Variants in PRH1 observed in about 807,000 individuals in gnomAD.
The protein encoded by PRH1 is salivary acidic proline-rich phosphoprotein 1/2.
A neutral mutation model predicts 7.9 loss-of-function variants in PRH1; 7 were observed. The observed-to-expected ratio is 0.89, with a 90% CI of 0.50 to 1.67. The LOEUF (loss-of-function observed/expected upper bound fraction) is 1.67. Among genes scored for constraint, PRH1 ranks in the 40% most tolerant of loss-of-function variants. The pLI is 0.00. For synonymous variants in PRH1, 45 were observed against 80.8 expected (o/e 0.56, Z 2.38); for missense variants, 109 against 223.6 (o/e 0.49, Z 3.27).
At chr12:10,884,643 C>A (rs1460203557), upstream of PRH1, among the ~76,000 whole-genome samples, 1 of 152,142 alleles carries the variant, frequency 6.6e-6, no homozygotes. Context: ...GGACACTGAT[C>A]CTACAGCTAA....
At chr12:11,142,264 AG>A (rs1217157760) in intron 1 of PRH1, among the ~76,000 whole-genome samples, 4 of 152,242 alleles carry the variant, frequency 2.6e-5, no homozygotes, top group Admixed American at 2.0e-4. Flanking sequence ...GAGTCTTTAT[AG>A]GTGAAAAGTC....
downstream of PRH1, among the ~76,000 whole-genome samples, chr12:11,120,543 C>A (rs1367096872): frequency 6.6e-6 from 1 of 152,102 alleles, no homozygotes; most frequent in African/African-American, 2.4e-5. Context: ...CACACTAGGG[C>A]CAGCTATAAA....
At position 11,023,679 on chromosome 12, in the gene PRH1, T is replaced by A. The variant is rs552366700; in HGVS notation, c.-126+23341A>T. Among the ~76,000 whole-genome samples the A allele has an allele frequency of 5.9e-5, 9 of 152,246 alleles. 1 individual carries two copies. In the South Asian group the frequency reaches 1.9e-3, roughly 32 times the overall value. The stretch of plus-strand genomic sequence containing the variant: ...CTCTTTTCCACTAACCATGAGGACA[T>A]CATCTGGCTAGCACACTGTTCCCAG... On this transcript the variant is annotated intron_variant, in intron 1 of 3. Coordinates refer to the PRH1 transcript ENST00000539853.
intron 1 of PRH1, among the ~76,000 whole-genome samples, chr12:11,060,182 C>T (rs1459141759): frequency 6.6e-6 from 1 of 152,102 alleles, no homozygotes; most frequent in Admixed American, 6.6e-5. Context: ...GTGAACAAGA[C>T]TGTACATTTC....
chr12:10,916,729 A>G (rs1949977031), intron 2 of PRH1, among the ~76,000 whole-genome samples: 1 of 152,024 alleles, frequency 6.6e-6, no homozygotes, highest in East Asian at 1.9e-4. Context: ...AAAGTGCCAC[A>G]GAAATGGATT....
At chr12:11,150,643 G>C (rs1054649913) in intron 1 of PRH1, among the ~76,000 whole-genome samples, 4 of 152,048 alleles carry the variant, frequency 2.6e-5, no homozygotes, top group African/African-American at 9.7e-5. Flanking sequence ...ACACAGGAAG[G>C]GGAACATCAC....
intron 2 of PRH1, among the ~76,000 whole-genome samples, chr12:10,927,670 G>T (rs759160793): frequency 1.3e-5 from 2 of 152,154 alleles, no homozygotes; most frequent in African/African-American, 2.4e-5. Flanking sequence ...CCAGACCCTC[G>T]TATGCACAGT....
intron 2 of PRH1, 74 bp from the exon 3 acceptor site, chr12:10,882,772 C>A: frequency 1.9e-6 from 3 of 1,582,842 alleles, no homozygotes; most frequent in Non-Finnish European, 2.6e-6. Flanking sequence ...TCTGTCTTCA[C>A]CACACGGCCG....
At position 10,882,474 on chromosome 12, in the gene PRH1, GA is replaced by G; in HGVS notation, c.324del (p.Gln109ArgfsTer88). 20 of 1,552,690 alleles carry G rather than the reference GA, an allele frequency of 1.3e-5. No individual in the cohort carries two copies. The highest frequency in any genetic ancestry group is 5.8e-5 in the South Asian group (5 of 86,368). On this transcript the variant is annotated frameshift_variant, in exon 3 of 4. Transcript: ENST00000543626. LOFTEE classifies it low-confidence loss of function (END_TRUNC). ...TGGGGTGGTCCTTGTGGCTTTCCCT[GA>G]GGAGGTGGTGGACCTTGTTGCTGCT... is the stretch of plus-strand genomic sequence containing the variant. Reference protein sequence around the residue: ...GGQQQQGPPPPQGKPQGPPQQ... With the variant: ...GGQQQQGPPPXQGKPQGPPQQ...
intron 1 of PRH1, among the ~76,000 whole-genome samples, chr12:11,010,690 C>T (rs1941027476): frequency 6.6e-6 from 1 of 151,712 alleles, no homozygotes; most frequent in Non-Finnish European, 1.5e-5. Context: ...AAATTAGTAA[C>T]ATCAGATTAA....
rs1456222408 is a variant in PRH1, at chr12:11,106,063, C to T, written n.124-58875G>A. Among the ~76,000 whole-genome samples the T allele has an allele frequency of 2.0e-5, 2 of 100,488 alleles. 1 individual carries two copies. The highest frequency in any genetic ancestry group is 4.6e-5 in the Non-Finnish European group (2 of 43,364). The allele number at this position is 100,488 out of a possible 152,430, so 65.9% of individuals were successfully genotyped here. The stretch of plus-strand genomic sequence containing the variant: ...TCATGCCATTCTCCTGCCTCAGCCT[C>T]CCGAGTAGCTGGGATTACAGGCGCC... On this transcript the variant is annotated intron_variant and non_coding_transcript_variant, in intron 1 of 4. Transcript: ENST00000541977.
chr12:10,980,169 T>C (rs964930184), intron 1 of PRH1, among the ~76,000 whole-genome samples: 15 of 152,162 alleles, frequency 9.9e-5, no homozygotes, highest in Admixed American at 5.2e-4. Flanking sequence ...CCTTATTTTA[T>C]ACCACACACA....
chr12:11,170,681 G>A (rs1947806525), intron 1 of PRH1, among the ~76,000 whole-genome samples: 1 of 152,174 alleles, frequency 6.6e-6, no homozygotes, highest in South Asian at 2.1e-4. Context: ...ACTTTTTAAG[G>A]GTTTACATGG....
intron 2 of PRH1, among the ~76,000 whole-genome samples, chr12:10,957,246 C>T (rs577013325): frequency 2.0e-5 from 3 of 151,936 alleles, no homozygotes; most frequent in South Asian, 4.2e-4. Context: ...AATAGAGACC[C>T]GAGAAATAAT....
chr12:10,922,393 T>G (rs184661952), intron 2 of PRH1, among the ~76,000 whole-genome samples: 13 of 152,368 alleles, frequency 8.5e-5, no homozygotes, highest in Admixed American at 7.2e-4. Context: ...CATTTATCTT[T>G]TATGTAGAAA....
At position 11,168,604 on chromosome 12, in the gene PRH1, T is replaced by A. The variant is rs537816281; in HGVS notation, n.39+2818A>T. On this transcript the variant is annotated intron_variant and non_coding_transcript_variant, in intron 1 of 1. Transcript: ENST00000541175. ...CTTCCACAGCATTATCAGTGAGGTC[T>A]GACTCAGCTTGCTCTTCCCAAGAAT... Among the ~76,000 whole-genome samples, 26 of 152,294 alleles carry A rather than the reference T, an allele frequency of 1.7e-4. No individual in the cohort carries two copies. The South Asian group carries it at 2.3e-3, about 13-fold the overall frequency.
intron 1 of PRH1, among the ~76,000 whole-genome samples, chr12:11,160,937 C>CT (rs1947394919): frequency 6.6e-6 from 1 of 152,184 alleles, no homozygotes; most frequent in South Asian, 2.1e-4. Flanking sequence ...GCAAAATGCA[C>CT]TCTCCAACTT....
chr12:11,072,446 G>A (rs115799099), intron 1 of PRH1, among the ~76,000 whole-genome samples: 2,058 of 152,046 alleles, frequency 0.014, no homozygotes, highest in South Asian at 0.027. Context: ...TTCCTGACCT[G>A]CAGAGTAAGG....
chr12:10,953,194 C>T (rs1000322908), intron 2 of PRH1, among the ~76,000 whole-genome samples: 1 of 151,788 alleles, frequency 6.6e-6, no homozygotes, highest in African/African-American at 2.4e-5. Flanking sequence ...AAAGAATCAG[C>T]ACAATAACTG....
Sources: gnomAD v4.1 joint callset for allele counts (sites outside exome capture counted in the v4.1 genomes callset) on GRCh38, gnomAD v4.1.1 for gene constraint, MANE v1.5 for transcripts, NCBI Gene and HGNC (gene_info 2026-07-23, HGNC 2026-07-21) for gene names.